TUBGCP3: variants seen among roughly 807,000 people sequenced by gnomAD.
TUBGCP3 encodes tubulin gamma complex component 3.
A neutral mutation model predicts 123.1 loss-of-function variants in TUBGCP3; 50 were observed. The observed-to-expected ratio is 0.41, with a 90% CI of 0.32 to 0.51. The LOEUF (loss-of-function observed/expected upper bound fraction) is 0.51, where lower values mean the gene tolerates loss of function less well. TUBGCP3 is among the 20% of genes least tolerant of loss of function. The probability of loss-of-function intolerance (pLI) is 0.36; values close to 1 mark genes in which losing one functional copy is unlikely to be tolerated. For missense variants in TUBGCP3, 882 were observed against 1,127.0 expected, an observed-to-expected ratio of 0.78 and a Z score of 3.11; for synonymous variants, 405 against 413.9, an observed-to-expected ratio of 0.98 and a Z score of 0.26.
At chr13:112,574,792 C>T (rs1881681855) in intron 1 of TUBGCP3, among the ~76,000 whole-genome samples, 2 of 152,216 alleles carry the variant, frequency 1.3e-5, no homozygotes, top group Non-Finnish European at 2.9e-5. Context: ...GAATGACTTC[C>T]CCCATTTTTG....
At chr13:112,542,640 T>C (rs1171401458) in intron 11 of TUBGCP3, among the ~76,000 whole-genome samples, 3 of 152,112 alleles carry the variant, frequency 2.0e-5, no homozygotes, top group Non-Finnish European at 4.4e-5. Flanking sequence ...TATTTTAACA[T>C]TGAACATTAT....
At chr13:112,579,593 C>G (rs998964060) in intron 1 of TUBGCP3, among the ~76,000 whole-genome samples, 1 of 150,950 alleles carries the variant, frequency 6.6e-6, no homozygotes, top group African/African-American at 2.5e-5. Context: ...TCCCACACTG[C>G]TGTGTGCGGG....
intron 18 of TUBGCP3, 97 bp downstream of exon 18, chr13:112,504,529 T>C: frequency 1.2e-6 from 1 of 835,048 alleles, no homozygotes; most frequent in South Asian, 2.0e-5. Context: ...TACACATATA[T>C]ATACACACAT....
chr13:112,546,154 C>A (rs1878968991), intron 10 of TUBGCP3: 1 of 325,230 alleles, frequency 3.1e-6, no homozygotes, highest in Non-Finnish European at 5.8e-6. Flanking sequence ...GCCGGCTACA[C>A]AATCTAAAGT....
chr13:112,511,353 T>C lies in TUBGCP3; in HGVS notation c.2086+5087A>G, dbSNP rs1320707410. Among the ~76,000 whole-genome samples the C allele has an allele frequency of 6.6e-6, 1 of 152,220 alleles. No individual in the cohort carries two copies. The highest frequency in any genetic ancestry group is 2.4e-5 in the African/African-American group (1 of 41,466). ...TTGGTTCTTCTCTCAATAATAATTA[T>C]GTGCTTCATGGATTTCAAATTTATG... On this transcript the variant is annotated intron_variant, in intron 17 of 21. Coordinates refer to ENST00000261965, the MANE Select transcript of TUBGCP3 (RefSeq NM_006322.6). This position sits in a 1 kb window ranked among gnomAD's most constrained non-coding sequence, Gnocchi z 4.1.
chr13:112,527,734 A>AT (rs1877249722), intron 11 of TUBGCP3, among the ~76,000 whole-genome samples: 1 of 152,234 alleles, frequency 6.6e-6, no homozygotes, highest in Non-Finnish European at 1.5e-5. Flanking sequence ...CAGAATGTCC[A>AT]TTAGTGCCTC....
chr13:112,505,330 T>C (rs1051741508), intron 17 of TUBGCP3, among the ~76,000 whole-genome samples: 3 of 152,246 alleles, frequency 2.0e-5, no homozygotes, highest in African/African-American at 7.2e-5. Context: ...TACACTAATG[T>C]ATGTGATGGC....
chr13:112,545,562 T>A lies in TUBGCP3; in HGVS notation c.1335+137A>T. 1.0e-6 allele frequency: 1 copy of A among 954,680 alleles called. No individual in the cohort carries two copies. The highest frequency in any genetic ancestry group is 2.5e-5 in the East Asian group (1 of 40,526). The allele number at this position is 954,680 out of a possible 1,614,324, so 59.1% of individuals were successfully genotyped here. ...CCAGCTGTCGAGGCACTGTGTAAAA[T>A]GTATATGGTATTCAATGGAAGTGCA... On this transcript the variant is annotated intron_variant, in intron 11 of 21. Transcript: ENST00000261965. The surrounding 1 kb of genome is among the most constrained non-coding windows in gnomAD (Gnocchi z 4.1).
chr13:112,575,815 T>C (rs544371516), intron 1 of TUBGCP3, among the ~76,000 whole-genome samples: 3 of 152,304 alleles, frequency 2.0e-5, no homozygotes, highest in African/African-American at 7.2e-5. Flanking sequence ...TCCAAACATC[T>C]GGCAGTCAGT....
chr13:112,486,873 A>C (rs996928256), intron 21 of TUBGCP3, among the ~76,000 whole-genome samples: 3 of 152,234 alleles, frequency 2.0e-5, no homozygotes, highest in Non-Finnish European at 2.9e-5. Context: ...CCTCATCTGC[A>C]GAGAAAACTC....
At chr13:112,573,334 T>C (rs908837263) in intron 1 of TUBGCP3, among the ~76,000 whole-genome samples, 2 of 151,752 alleles carry the variant, frequency 1.3e-5, no homozygotes, top group Non-Finnish European at 2.9e-5. Flanking sequence ...TCTCAAAAAC[T>C]AAAACAAAAA....
In TUBGCP3 at chr13:112,489,648, ATCC is replaced by A; in HGVS notation, c.2495_2497del (p.Arg832del). On this transcript the variant is annotated inframe_deletion, in exon 21 of 22. Coordinates refer to ENST00000261965, the MANE Select transcript of TUBGCP3 (RefSeq NM_006322.6). ...TGGTATAGATTCTTTAAATTCTCCA[ATCC>A]TCTTATTTTCCTCCTCTTCCTCTGC... The A allele has an allele frequency of 6.2e-7, 1 of 1,614,120 alleles. No homozygotes were observed. The highest frequency in any genetic ancestry group is 8.5e-7 in the Non-Finnish European group (1 of 1,180,010).
upstream of TUBGCP3, among the ~76,000 whole-genome samples, chr13:112,588,822 G>C (rs1343860200): frequency 6.6e-6 from 1 of 152,186 alleles, no homozygotes; most frequent in Admixed American, 6.5e-5. Context: ...GATGGAAAGA[G>C]ATCCCGAGAT....
chr13:112,569,077 A>ACATG (rs2139275272), intron 2 of TUBGCP3, 75 bp downstream of exon 2: 1 of 1,368,164 alleles, frequency 7.3e-7, no homozygotes, highest in East Asian at 2.3e-5. Context: ...ACACCTACAC[A>ACATG]CATGCATACA....
intron 1 of TUBGCP3, among the ~76,000 whole-genome samples, chr13:112,570,377 C>T (rs73568323): frequency 0.02 from 2,986 of 152,188 alleles, 105 homozygotes; most frequent in African/African-American, 0.068. Flanking sequence ...GTTCCAACCA[C>T]CATATTAAAG....
rs776721458 is a variant in TUBGCP3, at chr13:112,545,703, T to C, written c.1331A>G (p.His444Arg). 1 of 1,611,968 alleles carries C rather than the reference T, an allele frequency of 6.2e-7. No individual in the cohort carries two copies. Reference sequence around the variant, plus strand: ...GAACCGAACACCGATCCTTACTTCGTGGTAAGTGTCCTCAAGCTCCCCATC... The same window carrying C: ...GAACCGAACACCGATCCTTACTTCGCGGTAAGTGTCCTCAAGCTCCCCATC... The part of the protein sequence containing the change: ...IYDGELEDTY[H>R]EFFVASDPTV... Residue 444 changes from histidine to arginine, a missense_variant, in exon 11 of 22, where the codon CAC becomes CGC. By Grantham distance (29) the His-to-Arg change is conservative. Transcript: ENST00000261965. The surrounding 1 kb of genome is among the most constrained non-coding windows in gnomAD (Gnocchi z 4.1).
At chr13:112,590,044 G>A (rs530252172), upstream of TUBGCP3, among the ~76,000 whole-genome samples, 74 of 151,266 alleles carry the variant, frequency 4.9e-4, no homozygotes, top group African/African-American at 1.7e-3. Flanking sequence ...CCAGGCTGGA[G>A]TGCAATGGCG....
intron 11 of TUBGCP3, among the ~76,000 whole-genome samples, chr13:112,535,831 A>T (rs1374619361): frequency 6.6e-6 from 1 of 152,194 alleles, no homozygotes; most frequent in Non-Finnish European, 1.5e-5. Flanking sequence ...CATATCTAAG[A>T]AACTGCTGCC....
intron 11 of TUBGCP3, among the ~76,000 whole-genome samples, chr13:112,544,236 A>G (rs182535917): frequency 0.011 from 1,730 of 152,088 alleles, 32 homozygotes; most frequent in African/African-American, 0.038. Context: ...GGCAGATCAC[A>G]AGGTCAGGAG....
Sources: allele counts gnomAD v4.1 joint callset (sites outside exome capture counted in the v4.1 genomes callset), GRCh38; gene constraint gnomAD v4.1.1; non-coding constraint Gnocchi (gnomAD v3.1); transcripts MANE v1.5; gene names NCBI Gene and HGNC (gene_info 2026-07-23, HGNC 2026-07-21).